The following FSIP2 variants were observed in gnomAD, a reference collection of about 807,000 sequenced individuals.
FSIP2 encodes fibrous sheath interacting protein 2.
FSIP2 carries 367 observed loss-of-function variants against 510.5 expected under a neutral mutation model. The observed-to-expected ratio is 0.72, with a 90% CI of 0.66 to 0.78. FSIP2 has a LOEUF of 0.78. FSIP2 is among the 30% of genes least tolerant of loss of function. The pLI is 0.00. For missense variants in FSIP2, 7,594 were observed against 7,901.7 expected (o/e 0.96, Z 1.48); for synonymous variants, 2,601 against 2,732.2 (o/e 0.95, Z 1.50).
chr2:185,751,999 G>T (rs1692158176), intron 7 of FSIP2, among the ~76,000 whole-genome samples: 1 of 150,610 alleles, frequency 6.6e-6, no homozygotes, highest in African/African-American at 2.4e-5. Context: ...TCATATATTT[G>T]GCCAGATACT....
chr2:185,821,347 T>C (rs1361015987), intron 19 of FSIP2, among the ~76,000 whole-genome samples: 3 of 151,914 alleles, frequency 2.0e-5, no homozygotes, highest in South Asian at 2.1e-4. Context: ...GATACTTTCA[T>C]TGGTGGATGT....
chr2:185,804,964 C>G lies in FSIP2; in HGVS notation c.15658C>G (p.Leu5220Val). The change falls in exon 17 of 23, where the codon CTC becomes GTC. Residue 5220 changes from leucine to valine, a missense_variant. Leu to Val is a conservative substitution (Grantham distance 32). Coordinates refer to ENST00000424728, the MANE Select transcript of FSIP2 (RefSeq NM_173651.4). ...KDADKKGCSFLSKLAGFIMKE... is the reference protein window; with the variant it reads ...KDADKKGCSFVSKLAGFIMKE... The stretch of plus-strand genomic sequence containing the variant: ...TGCAGACAAAAAAGGATGCTCATTC[C>G]TCAGTAAATTAGCTGGTTTTATTAT... 3 of 1,540,268 alleles carry G rather than the reference C, an allele frequency of 1.9e-6. No homozygotes were observed. In the South Asian group the frequency reaches 3.5e-5, roughly 18 times the overall value.
In FSIP2 at chr2:185,792,185, C is replaced by A. The variant is rs1693148788; in HGVS notation, c.5049C>A (p.Val1683=). The change falls in exon 16 of 23, where the codon GTC becomes GTA. Residue 1683 remains valine (V), a synonymous_variant. Coordinates refer to ENST00000424728, the MANE Select transcript of FSIP2 (RefSeq NM_173651.4). ...AGACTCAAATACTTAAGTATGTAGT[C>A]AAGTTAATTTTAGATGCAGTATCTT... ...PPETQILKYV[V]KLILDAVSSD... is the part of the protein sequence containing the mutation. 7 of 1,531,432 alleles carry A rather than the reference C, an allele frequency of 4.6e-6. No homozygotes were observed. The highest frequency in any genetic ancestry group is 2.4e-5 in the South Asian group (2 of 83,530). 94.9% of individuals were successfully genotyped at this position (1,531,432 alleles called of 1,614,324 possible).
At chr2:185,780,676 T>A (rs867937958) in intron 13 of FSIP2, among the ~76,000 whole-genome samples, 17 of 152,182 alleles carry the variant, frequency 1.1e-4, no homozygotes, top group Middle Eastern at 6.8e-3. Context: ...TTTTTGTTTC[T>A]GTTAAAAGCC....
At chr2:185,783,253 T>C (rs979502438) in intron 14 of FSIP2, among the ~76,000 whole-genome samples, 2 of 152,112 alleles carry the variant, frequency 1.3e-5, no homozygotes, top group African/African-American at 4.8e-5. Context: ...TTAGAAGAGA[T>C]AGTTGTTAAG....
At position 185,790,971 on chromosome 2, in the gene FSIP2, T is replaced by C. The variant is rs1693108332; in HGVS notation, c.3835T>C (p.Leu1279=). 1 of 1,525,612 alleles carries C rather than the reference T, an allele frequency of 6.6e-7. No homozygotes were observed. Among genetic ancestry groups the C allele is most frequent in the Non-Finnish European group, 8.8e-7 (1 of 1,142,844 alleles). The allele number at this position is 1,525,612 out of a possible 1,614,324, so 94.5% of individuals were successfully genotyped here. ...ACTGAAGTCATTTATTTGTCCAAAA[T>C]TGCATATGGGCTTCAAATCTTCATT... is the stretch of plus-strand genomic sequence containing the variant. The part of the protein sequence containing the change: ...KRLKSFICPK[L]HMGFKSSLRS... Residue 1279 remains leucine, a synonymous_variant, in exon 16 of 23, where the codon TTG becomes CTG. Coordinates refer to ENST00000424728, the MANE Select transcript of FSIP2 (RefSeq NM_173651.4).
chr2:185,806,543 AAAAAG>A lies in FSIP2; in HGVS notation c.17240_17244del (p.Lys5747ArgfsTer14). ...ACTAACAAAAATATCTCTGCCAAAG[AAAAAG>A]AAGAGGAAGAGAGAGAAAAAGAGAA... On this transcript the variant is annotated frameshift_variant, in exon 17 of 23. Coordinates refer to ENST00000424728, the MANE Select transcript of FSIP2 (RefSeq NM_173651.4). LOFTEE classifies it high-confidence loss of function. 6.2e-7 allele frequency: 1 copy of A among 1,600,458 alleles called. No individual in the cohort carries two copies. Among genetic ancestry groups the A allele is most frequent in the Non-Finnish European group, 8.5e-7 (1 of 1,176,054 alleles).
chr2:185,738,994 G>T lies in FSIP2; in HGVS notation c.99+1G>T. ...CGCGGACACCCAGCAGTGCAGAGAC[G>T]TGAGTGGCCGCAAGCTGGGCGGCGT... On this transcript the variant is annotated splice_donor_variant, in intron 1 of 22. Coordinates refer to ENST00000424728, the MANE Select transcript of FSIP2 (RefSeq NM_173651.4). LOFTEE classifies it high-confidence loss of function. 1 of 1,531,594 alleles carries T rather than the reference G, an allele frequency of 6.5e-7. No individual in the cohort carries two copies. Among genetic ancestry groups the T allele is most frequent in the African/African-American group, 1.4e-5 (1 of 73,022 alleles). The allele number at this position is 1,531,594 out of a possible 1,614,324, so 94.9% of individuals were successfully genotyped here. A position where few individuals can be genotyped will look rare whatever the true frequency, so the allele number is the denominator to read the frequency against.
intron 12 of FSIP2, among the ~76,000 whole-genome samples, chr2:185,763,923 A>AATAATAATACATTT: frequency 6.6e-6 from 1 of 151,608 alleles, no homozygotes; most frequent in Non-Finnish European, 1.5e-5. Context: ...GATTTTCTGT[A>AATAATAATACATTT]GTGCAGTTTT....
In FSIP2 at chr2:185,795,319, C is replaced by A. The variant is rs1019750872; in HGVS notation, c.8183C>A (p.Thr2728Lys). 11 of 1,534,854 alleles carry A rather than the reference C, an allele frequency of 7.2e-6. No homozygotes were observed. The East Asian group carries it at 2.2e-4, about 31-fold the overall frequency. ...GGAGATGCCAAAAATTTACTGGACA[C>A]AAAATTGCCCACTTCAGAACTAAAA... Reference protein sequence around the residue: ...SAGDAKNLLDTKLPTSELKIY... With the variant: ...SAGDAKNLLDKKLPTSELKIY... Residue 2728 changes from threonine (T) to lysine (K), a missense_variant, in exon 16 of 23, where the codon ACA becomes AAA. Physicochemically the swap from Thr to Lys is moderately conservative, Grantham distance 78. Transcript: ENST00000424728.
At chr2:185,814,192 C>CCT in intron 18 of FSIP2, 150 bp downstream of exon 18, 4 of 762,138 alleles carry the variant, frequency 5.2e-6, no homozygotes, top group Non-Finnish European at 8.1e-6. Context: ...GAAATTATTA[C>CCT]CAGGTACAGC....
At chr2:185,786,384 C>A in intron 15 of FSIP2, 96 bp downstream of exon 15, 2 of 771,676 alleles carry the variant, frequency 2.6e-6, no homozygotes, top group South Asian at 1.8e-5. Flanking sequence ...TAATAGGAAT[C>A]ATCCATTGAT....
In FSIP2 at chr2:185,794,017, A is replaced by C. The variant is rs1227769167; in HGVS notation, c.6881A>C (p.Gln2294Pro). 1 of 1,533,918 alleles carries C rather than the reference A, an allele frequency of 6.5e-7. No homozygotes were observed. The highest frequency in any genetic ancestry group is 2.4e-5 in the East Asian group (1 of 40,834). Residue 2294 changes from glutamine (Q) to proline (P), a missense_variant, in exon 16 of 23, where the codon CAA (glutamine) becomes CCA (proline). By Grantham distance (76) the Gln-to-Pro change is moderately conservative. Coordinates refer to ENST00000424728, the MANE Select transcript of FSIP2 (RefSeq NM_173651.4). ...ATCCCAGAATTGGAAAATTGTAAAC[A>C]AAATGACAGCATCTTTTATGATTCA... ...FVIPELENCK[Q>P]NDSIFYDSSQ...
chr2:185,800,857 T>C lies in FSIP2; in HGVS notation c.11551T>C (p.Leu3851=), dbSNP rs1297338011. The stretch of plus-strand genomic sequence containing the variant: ...TATTTCCCACAGCTTGGTTAAATCA[T>C]TGATGGACAAATTATCTCACAGCAT... ...TIISHSLVKS[L]MDKLSHSIQQ... The change falls in exon 17 of 23, where the codon TTG becomes CTG. Residue 3851 remains leucine (L), a synonymous_variant. Coordinates refer to ENST00000424728, the MANE Select transcript of FSIP2 (RefSeq NM_173651.4). 2.0e-6 allele frequency: 3 copies of C among 1,534,234 alleles called. No individual in the cohort carries two copies. Among genetic ancestry groups the C allele is most frequent in the East Asian group, 2.4e-5 (1 of 40,846 alleles).
At position 185,804,456 on chromosome 2, in the gene FSIP2, A is replaced by C. The variant is rs537205923; in HGVS notation, c.15150A>C (p.Thr5050=). 7 of 1,517,812 alleles carry C rather than the reference A, an allele frequency of 4.6e-6. No homozygotes were observed. In the South Asian group the frequency reaches 6.1e-5, roughly 13 times the overall value. The allele number at this position is 1,517,812 out of a possible 1,614,324, so 94.0% of individuals were successfully genotyped here. A position where few individuals can be genotyped will look rare whatever the true frequency, so the allele number is the denominator to read the frequency against. Residue 5050 remains threonine (T), a synonymous_variant, in exon 17 of 23, where the codon ACA becomes ACC. Coordinates refer to ENST00000424728, the MANE Select transcript of FSIP2 (RefSeq NM_173651.4). ...TACATAGGGTTATACAAAGTGACAC[A>C]ATATGTTTTGGTAGGAAAATATATT... The part of the protein sequence containing the change: ...IQIHRVIQSD[T]ICFGRKIYYL...
chr2:185,762,046 TTC>T (rs1449348280), intron 11 of FSIP2, 29 bp downstream of exon 11: 6 of 1,127,878 alleles, frequency 5.3e-6, no homozygotes, highest in East Asian at 2.6e-5. Flanking sequence ...GTCATAATTT[TTC>T]TGTTATTAGG....
chr2:185,809,900 A>C (rs1195779257), intron 17 of FSIP2, among the ~76,000 whole-genome samples: 1 of 152,114 alleles, frequency 6.6e-6, no homozygotes, highest in African/African-American at 2.4e-5. Flanking sequence ...TATTACAAGG[A>C]AACTATTACT....
At chr2:185,755,136 C>A (rs1692219073) in intron 8 of FSIP2, among the ~76,000 whole-genome samples, 1 of 151,444 alleles carries the variant, frequency 6.6e-6, no homozygotes, top group Non-Finnish European at 1.5e-5. Context: ...TTGTTGATAA[C>A]CCTAACTGGA....
chr2:185,774,022 G>A (rs552387940), intron 13 of FSIP2, among the ~76,000 whole-genome samples: 1 of 152,102 alleles, frequency 6.6e-6, no homozygotes, highest in East Asian at 1.9e-4. Context: ...AATTTTCTGG[G>A]GTCTCTGTAA....
Sources: allele counts gnomAD v4.1 joint callset (sites outside exome capture counted in the v4.1 genomes callset), GRCh38; gene constraint gnomAD v4.1.1; transcripts MANE v1.5; gene names NCBI Gene and HGNC (gene_info 2026-07-23, HGNC 2026-07-21).